MGAT3: variants seen among roughly 807,000 people sequenced by gnomAD.
The protein encoded by MGAT3 is GlcNAc-T III.
MGAT3 carries 9 observed loss-of-function variants against 29.8 expected under a neutral mutation model. That is an observed-to-expected ratio of 0.30 (90% CI 0.18 to 0.53). The LOEUF (loss-of-function observed/expected upper bound fraction) is 0.53. MGAT3 is among the 20% of genes least tolerant of loss of function. The pLI, the probability that MGAT3 is intolerant of heterozygous loss-of-function variation, is 0.96. For missense variants in MGAT3, 557 were observed against 769.5 expected (o/e 0.72, Z 3.27); for synonymous variants, 397 against 348.9 (o/e 1.14, Z -1.54).
Position 39,467,493 on chromosome 22 carries a change from A to G in MGAT3, c.-2+9936A>G, listed in dbSNP as rs575452863. 6.1e-4 allele frequency among the ~76,000 whole-genome samples: 93 copies of G among 152,266 alleles called. 1 individual carries two copies. In the South Asian group the frequency reaches 0.013, roughly 22 times the overall value. ...GTTCCGCTGCTCTCAAGAGCCCCAA[A>G]GAGTGATGAGGCTAAGAAGGTAGGA... is the stretch of plus-strand genomic sequence containing the variant. On this transcript the variant is annotated intron_variant, in intron 1 of 1. Coordinates refer to ENST00000341184, the MANE Select transcript of MGAT3 (RefSeq NM_002409.5).
chr22:39,470,901 G>A lies in MGAT3; in HGVS notation c.-2+13344G>A, dbSNP rs1384760715. 4.6e-5 allele frequency among the ~76,000 whole-genome samples: 7 copies of A among 152,304 alleles called. No individual in the cohort carries two copies. The East Asian group carries it at 1.2e-3, about 25-fold the overall frequency. On this transcript the variant is annotated intron_variant, in intron 1 of 1. Transcript: ENST00000341184. ...TTGAATCCAGCCCCTTTTGAGTCTAGACTCCAGAGAGCTATGGCCCCAAAG... is the reference window on the plus strand; with the variant it reads ...TTGAATCCAGCCCCTTTTGAGTCTAAACTCCAGAGAGCTATGGCCCCAAAG...
chr22:39,464,704 G>T (rs1198132975), intron 1 of MGAT3, among the ~76,000 whole-genome samples: 1 of 151,872 alleles, frequency 6.6e-6, no homozygotes, highest in African/African-American at 2.4e-5. Context: ...GCCTCCCAAA[G>T]TGCTGAGATT....
At chr22:39,468,560 GC>G (rs1928719694) in intron 1 of MGAT3, among the ~76,000 whole-genome samples, 1 of 152,226 alleles carries the variant, frequency 6.6e-6, no homozygotes, top group Admixed American at 6.5e-5. Flanking sequence ...TAGCTAAGCT[GC>G]CTCATTGGGG....
intron 1 of MGAT3, among the ~76,000 whole-genome samples, chr22:39,466,266 G>C (rs534072100): frequency 6.6e-5 from 10 of 152,176 alleles, no homozygotes; most frequent in Non-Finnish European, 1.0e-4. Context: ...CACCGCTTGC[G>C]GGCAGTGACC....
At chr22:39,474,081 G>A (rs989038541) in intron 1 of MGAT3, among the ~76,000 whole-genome samples, 2 of 152,160 alleles carry the variant, frequency 1.3e-5, no homozygotes, top group Non-Finnish European at 2.9e-5. Flanking sequence ...TCCTGTTGGA[G>A]TTGGGTAGTG....
intron 1 of MGAT3, among the ~76,000 whole-genome samples, chr22:39,458,527 G>C (rs1380034171): frequency 6.6e-6 from 1 of 152,084 alleles, no homozygotes; most frequent in Non-Finnish European, 1.5e-5. Flanking sequence ...CAGACATGGA[G>C]CCCAGCAGAA....
rs951464045 is a variant in MGAT3, at chr22:39,457,162, G to A, written c.-397G>A. 6.9e-6 allele frequency among the ~76,000 whole-genome samples: 1 copy of A among 145,514 alleles called. No individual in the cohort carries two copies. The highest frequency in any genetic ancestry group is 2.5e-5 in the African/African-American group (1 of 40,616). ...GCGGGGGAGGGGAGGGGGTTGCGGA[G>A]GGGGCGGGGTGGGGGCCGGAGCCGC... is the stretch of plus-strand genomic sequence containing the variant. On this transcript the variant is annotated 5_prime_UTR_variant, in exon 1 of 2. Coordinates refer to ENST00000341184, the MANE Select transcript of MGAT3 (RefSeq NM_002409.5). This position sits in a 1 kb window ranked among gnomAD's most constrained non-coding sequence, Gnocchi z 6.8.
intron 1 of MGAT3, among the ~76,000 whole-genome samples, chr22:39,460,523 C>T (rs370072710): frequency 9.2e-5 from 14 of 152,138 alleles, no homozygotes; most frequent in Non-Finnish European, 1.6e-4. Flanking sequence ...TGAGGCGAGG[C>T]GTGGTGGCCC....
rs762014746 is a variant in MGAT3, at chr22:39,487,601, C to G, written c.254C>G (p.Pro85Arg). ...YSHSPLLQPL[P>R]PSKAAEELHR... ...CACTCGCCCCTGCTGCAGCCGCTGC[C>G]GCCCAGCAAGGCGGCCGAGGAGCTC... The change falls in exon 2 of 2, where the codon CCG (proline) becomes CGG (arginine). Residue 85 changes from proline (P) to arginine (R), a missense_variant. By Grantham distance (103) the Pro-to-Arg change is moderately radical (BLOSUM62 -2). This residue lies in a region of MGAT3 where 212 missense variants were observed against 228.5 expected (regional missense o/e 0.93). Transcript: ENST00000341184. The surrounding 1 kb of genome is among the most constrained non-coding windows in gnomAD (Gnocchi z 5.7). 6.2e-7 allele frequency: 1 copy of G among 1,611,518 alleles called. No homozygotes were observed. Among genetic ancestry groups the G allele is most frequent in the Non-Finnish European group, 8.5e-7 (1 of 1,179,268 alleles).
intron 1 of MGAT3, among the ~76,000 whole-genome samples, chr22:39,471,296 AAGTATGGG>A (rs1226115485): frequency 6.6e-6 from 1 of 152,064 alleles, no homozygotes; most frequent in Non-Finnish European, 1.5e-5. Flanking sequence ...TGAAAGCCCG[AAGTATGGG>A]GGTCTCGAGG....
chr22:39,476,911 A>AG (rs1216047669), intron 1 of MGAT3: 3 of 152,116 alleles, frequency 2.0e-5, no homozygotes, highest in Non-Finnish European at 4.4e-5. Flanking sequence ...AGATGATGAG[A>AG]GGGGAGGACA....
intron 1 of MGAT3, among the ~76,000 whole-genome samples, chr22:39,458,066 A>AC: frequency 1.3e-5 from 2 of 151,864 alleles, no homozygotes; most frequent in African/African-American, 4.8e-5. Context: ...GGCCGTAGCT[A>AC]CCCCTGGGGA....
rs1311277887 is a variant in MGAT3, at chr22:39,490,335, G to C, written c.*1386G>C. The C allele has an allele frequency of 6.0e-6, 1 of 167,118 alleles. No individual in the cohort carries two copies. The highest frequency in any genetic ancestry group is 1.5e-5 in the Non-Finnish European group (1 of 68,146). 10.4% of individuals were successfully genotyped at this position (167,118 alleles called of 1,614,324 possible). On this transcript the variant is annotated 3_prime_UTR_variant, in exon 2 of 2. Transcript: ENST00000341184. Reference sequence around the variant, plus strand: ...CCTCTGCTGGCCTCTCATTGGCTGGGACTCAGTCACATGGCCACAAGCAGC... The same window carrying C: ...CCTCTGCTGGCCTCTCATTGGCTGGCACTCAGTCACATGGCCACAAGCAGC...
In MGAT3 at chr22:39,488,833, T is replaced by C. The variant is rs1569007566; in HGVS notation, c.1486T>C (p.Tyr496His). The change falls in exon 2 of 2, where the codon TAC (tyrosine) becomes CAC (histidine). Residue 496 changes from tyrosine (Y) to histidine (H), a missense_variant. Tyr to His is a moderately conservative substitution (Grantham distance 83, BLOSUM62 2). Around this residue, in one of 3 missense-constraint regions of MGAT3, gnomAD observed 102 missense variants for 97.0 expected, o/e 1.05. Transcript: ENST00000341184. ...GCTGAAGAACTACGACCGGTTCCACTACCTGCTGGACAACCCCTACCAGGA... is the reference window on the plus strand; with the variant it reads ...GCTGAAGAACTACGACCGGTTCCACCACCTGCTGGACAACCCCTACCAGGA... ...YLLKNYDRFH[Y>H]LLDNPYQEPR... The C allele has an allele frequency of 1.2e-6, 2 of 1,609,012 alleles. No homozygotes were observed. Among genetic ancestry groups the C allele is most frequent in the Non-Finnish European group, 1.7e-6 (2 of 1,177,854 alleles).
At chr22:39,461,462 C>T (rs1043670473) in intron 1 of MGAT3, among the ~76,000 whole-genome samples, 1 of 152,162 alleles carries the variant, frequency 6.6e-6, no homozygotes, top group African/African-American at 2.4e-5. Context: ...TGCACTAACC[C>T]CTCCTTCGAG....
chr22:39,488,765 C>T lies in MGAT3; in HGVS notation c.1418C>T (p.Pro473Leu), dbSNP rs1248024330. ...TTCGACGGCACGCAGCAGGAGTACC[C>T]GCCTGCAGACCCCAGCGAGCACATG... ...GWFDGTQQEY[P>L]PADPSEHMYA... The change falls in exon 2 of 2, where the codon CCG becomes CTG. Residue 473 changes from proline to leucine, a missense_variant. This residue lies in a region of MGAT3 where 102 missense variants were observed against 97.0 expected (regional missense o/e 1.05). Coordinates refer to ENST00000341184, the MANE Select transcript of MGAT3 (RefSeq NM_002409.5). 1.2e-6 allele frequency: 2 copies of T among 1,612,322 alleles called. No individual in the cohort carries two copies. Among genetic ancestry groups the T allele is most frequent in the South Asian group, 1.1e-5 (1 of 90,922 alleles).
chr22:39,465,124 C>A (rs1381675494), intron 1 of MGAT3, among the ~76,000 whole-genome samples: 1 of 152,188 alleles, frequency 6.6e-6, no homozygotes, highest in African/African-American at 2.4e-5. Flanking sequence ...CTTTGCTCTC[C>A]CCAGCTCCTG....
Position 39,463,931 on chromosome 22 carries a change from T to A in MGAT3, c.-2+6374T>A, listed in dbSNP as rs539822461. ...CCATATCTCAAAAATTAAAAAAAAA[T>A]AAAAAATGCTGCCCTGAGGATACAG... On this transcript the variant is annotated intron_variant, in intron 1 of 1. Coordinates refer to ENST00000341184, the MANE Select transcript of MGAT3 (RefSeq NM_002409.5). 4.0e-5 allele frequency among the ~76,000 whole-genome samples: 6 copies of A among 150,268 alleles called. No individual in the cohort carries two copies. In the East Asian group the frequency reaches 1.2e-3, roughly 29 times the overall value.
chr22:39,478,603 AGGACCAC>A (rs2145721688), intron 1 of MGAT3, among the ~76,000 whole-genome samples: 1 of 152,308 alleles, frequency 6.6e-6, no homozygotes, highest in African/African-American at 2.4e-5. Context: ...GGGCAAGCTC[AGGACCAC>A]GGAGAGCTCC....
Sources: allele counts gnomAD v4.1 joint callset (sites outside exome capture counted in the v4.1 genomes callset), GRCh38; gene constraint gnomAD v4.1.1; regional missense constraint gnomAD v4.1.1; non-coding constraint Gnocchi (gnomAD v3.1); transcripts MANE v1.5; gene names NCBI Gene and HGNC (gene_info 2026-07-23, HGNC 2026-07-21).